Variants in CDH13 observed in about 807,000 individuals in gnomAD.
CDH13 encodes cadherin-13.
Under a neutral mutation model 63.8 loss-of-function variants are expected in CDH13, and 24 were observed. The observed-to-expected ratio is 0.38, with a 90% CI of 0.27 to 0.53. The LOEUF is 0.53. CDH13 is among the 20% of genes least tolerant of loss of function. The pLI is 0.85. For synonymous variants in CDH13, 503 were observed against 355.3 expected (o/e 1.42, Z -4.67); for missense variants, 1,049 against 903.1 (o/e 1.16, Z -2.07).
intron 3 of CDH13, among the ~76,000 whole-genome samples, chr16:83,098,538 C>G (rs1259641268): frequency 1.3e-5 from 2 of 152,164 alleles, no homozygotes; most frequent in Non-Finnish European, 2.9e-5. Context: ...TGAGGTTCTG[C>G]TGGTGATGAA....
intron 2 of CDH13, among the ~76,000 whole-genome samples, chr16:82,909,367 G>A (rs186363753): frequency 2.4e-4 from 37 of 151,628 alleles, no homozygotes; most frequent in South Asian, 6.2e-4. Flanking sequence ...AAATGTGTGC[G>A]TTAAATATAA....
chr16:83,232,818 T>A (rs953733689), intron 5 of CDH13, among the ~76,000 whole-genome samples: 1 of 152,176 alleles, frequency 6.6e-6, no homozygotes, highest in Non-Finnish European at 1.5e-5. Flanking sequence ...ACCCTCATAT[T>A]TAGGAATTGA....
At chr16:83,243,310 A>G (rs1904656826) in intron 5 of CDH13, among the ~76,000 whole-genome samples, 1 of 152,230 alleles carries the variant, frequency 6.6e-6, no homozygotes, top group Non-Finnish European at 1.5e-5. Context: ...GAGAGGCCTC[A>G]CGGCGATGGT....
intron 9 of CDH13, among the ~76,000 whole-genome samples, chr16:83,671,736 T>G (rs1014615822): frequency 6.6e-6 from 1 of 152,230 alleles, no homozygotes; most frequent in Non-Finnish European, 1.5e-5. Context: ...GTTATTGGTG[T>G]GAAACCCTCT....
chr16:83,407,850 G>A (rs989609658), intron 6 of CDH13, among the ~76,000 whole-genome samples: 1 of 152,156 alleles, frequency 6.6e-6, no homozygotes, highest in African/African-American at 2.4e-5. Flanking sequence ...ACTTACAAAT[G>A]CGTAATCGAC....
chr16:83,652,895 A>C (rs937052167), intron 8 of CDH13, among the ~76,000 whole-genome samples: 1 of 152,210 alleles, frequency 6.6e-6, no homozygotes, highest in African/African-American at 2.4e-5. Context: ...AAGTGGAAAC[A>C]GTTCCAGGTC....
At chr16:83,256,402 C>A (rs949864900) in intron 5 of CDH13, among the ~76,000 whole-genome samples, 1 of 152,226 alleles carries the variant, frequency 6.6e-6, no homozygotes, top group African/African-American at 2.4e-5. Flanking sequence ...CAGGACCCAA[C>A]CTTGTCTTCA....
chr16:83,422,270 C>G (rs770057428), intron 6 of CDH13, among the ~76,000 whole-genome samples: 1 of 152,134 alleles, frequency 6.6e-6, no homozygotes, highest in African/African-American at 2.4e-5. Context: ...AACTAAAAAT[C>G]ATATTAATAC....
At chr16:83,390,833 GCCTCAA>G (rs1209343858) in intron 6 of CDH13, among the ~76,000 whole-genome samples, 4 of 152,160 alleles carry the variant, frequency 2.6e-5, no homozygotes, top group Non-Finnish European at 5.9e-5. Flanking sequence ...AGAAGGAAGA[GCCTCAA>G]CTCAGGGGAA....
rs192558060 is a variant in CDH13 at position 83,569,911 on chromosome 16, A to G, written c.961-32543A>G. Among the ~76,000 whole-genome samples the G allele has an allele frequency of 2.7e-4, 41 of 152,060 alleles. No homozygotes were observed. The East Asian group carries it at 7.6e-3, about 28-fold the overall frequency. ...GCCACCATGCCAGGCTAATTTTTGT[A>G]TTTTTAATAGAGACAGGGTTTCACC... is the stretch of plus-strand genomic sequence containing the variant. On this transcript the variant is annotated intron_variant, in intron 7 of 13. Coordinates refer to ENST00000567109, the MANE Select transcript of CDH13 (RefSeq NM_001257.5).
intron 10 of CDH13, among the ~76,000 whole-genome samples, chr16:83,708,511 G>A (rs951976881): frequency 2.0e-5 from 3 of 152,074 alleles, no homozygotes; most frequent in Non-Finnish European, 4.4e-5. Flanking sequence ...TCTCTATCAT[G>A]AGTGTCCTCT....
rs867121905 is a variant in CDH13 at position 82,701,752 on chromosome 16, C to T, written c.45+74615C>T. 1.1e-4 allele frequency among the ~76,000 whole-genome samples: 17 copies of T among 152,088 alleles called. 1 individual carries two copies. The highest frequency in any genetic ancestry group is 4.1e-4 in the African/African-American group (17 of 41,416). On this transcript the variant is annotated intron_variant, in intron 1 of 13. Coordinates refer to ENST00000567109, the MANE Select transcript of CDH13 (RefSeq NM_001257.5). ...TCTTCCTAACACTTTCCATACAAAT[C>T]TTAGAAATAAATTTTATTGGCTCTT... is the stretch of plus-strand genomic sequence containing the variant.
At chr16:83,297,812 A>G (rs186206347) in intron 5 of CDH13, among the ~76,000 whole-genome samples, 41 of 152,308 alleles carry the variant, frequency 2.7e-4, no homozygotes, top group African/African-American at 8.9e-4. Flanking sequence ...ATCGAAGGAC[A>G]TTCAAGATAG....
chr16:82,657,919 C>CT (rs1256719075), intron 1 of CDH13, among the ~76,000 whole-genome samples: 1 of 152,060 alleles, frequency 6.6e-6, no homozygotes, highest in Non-Finnish European at 1.5e-5. Flanking sequence ...CTTTTCTTAT[C>CT]TTACTGCATT....
intron 3 of CDH13, among the ~76,000 whole-genome samples, chr16:83,069,298 G>A (rs577808742): frequency 6.6e-6 from 1 of 152,192 alleles, no homozygotes; most frequent in African/African-American, 2.4e-5. Context: ...GTGGAACTGT[G>A]GCACTCTTTA....
chr16:83,258,966 G>A (rs898967016), intron 5 of CDH13, among the ~76,000 whole-genome samples: 5 of 152,148 alleles, frequency 3.3e-5, no homozygotes, highest in African/African-American at 1.2e-4. Context: ...TAAACAAAAG[G>A]AATTGGAAAA....
chr16:83,287,680 C>T (rs1437240244), intron 5 of CDH13, among the ~76,000 whole-genome samples: 1 of 152,104 alleles, frequency 6.6e-6, no homozygotes, highest in Non-Finnish European at 1.5e-5. Context: ...ATAATTATTT[C>T]ATGATGTATT....
chr16:83,743,132 A>G (rs901746236), intron 10 of CDH13, among the ~76,000 whole-genome samples: 3 of 152,200 alleles, frequency 2.0e-5, no homozygotes, highest in Non-Finnish European at 4.4e-5. Flanking sequence ...ATTTGAACCC[A>G]GGAGGCAGAG....
chr16:83,546,812 G>A (rs1372579049), intron 7 of CDH13, among the ~76,000 whole-genome samples: 2 of 152,188 alleles, frequency 1.3e-5, no homozygotes, highest in African/African-American at 4.8e-5. Context: ...GGTGCCACTA[G>A]ACAGAGGGCA....
Sources: allele counts gnomAD v4.1 joint callset (sites outside exome capture counted in the v4.1 genomes callset), GRCh38; gene constraint gnomAD v4.1.1; transcripts MANE v1.5; gene names NCBI Gene and HGNC (gene_info 2026-07-23, HGNC 2026-07-21).